The following ABCC9 variants were observed in gnomAD, a reference collection of about 807,000 sequenced individuals.
ABCC9 encodes ATP-binding cassette sub-family C member 9.
ABCC9 carries 95 observed loss-of-function variants against 188.3 expected under a neutral mutation model. The ratio of observed to expected loss-of-function variants is 0.50; its 90% CI spans 0.43 to 0.60. The LOEUF is 0.60. ABCC9 is among the 20% of genes least tolerant of loss of function. The pLI, the probability that ABCC9 is intolerant of heterozygous loss-of-function variation, is 0.00. For synonymous variants in ABCC9, 659 were observed against 652.7 expected, an observed-to-expected ratio of 1.01 and a Z score of -0.15; for missense variants, 1,102 against 1,876.3, an observed-to-expected ratio of 0.59 and a Z score of 7.62.
intron 5 of ABCC9, among the ~76,000 whole-genome samples, chr12:21,922,274 T>C (rs1449444277): frequency 6.6e-6 from 1 of 151,988 alleles, no homozygotes; most frequent in Non-Finnish European, 1.5e-5. Flanking sequence ...GTTACAGAGA[T>C]CTTTCACTTC....
chr12:21,851,652 C>T lies in ABCC9; in HGVS notation c.2769+445G>A, dbSNP rs180797792. 1.6e-4 allele frequency among the ~76,000 whole-genome samples: 24 copies of T among 152,220 alleles called. No homozygotes were observed. In the East Asian group the frequency reaches 4.2e-3, roughly 27 times the overall value. ...CCCAGATATGCCTTACAACTTTGCC[C>T]ACTACTCAGAGCTCTTCCTTCAAGA... On this transcript the variant is annotated intron_variant, in intron 24 of 39. Coordinates refer to ENST00000261200, the MANE Select transcript of ABCC9 (RefSeq NM_020297.4).
At chr12:21,873,775 A>T (rs1016798664) in intron 17 of ABCC9, among the ~76,000 whole-genome samples, 3 of 152,136 alleles carry the variant, frequency 2.0e-5, no homozygotes, top group African/African-American at 7.2e-5. Context: ...TATACAGTCA[A>T]CTGATCTTCA....
intron 6 of ABCC9, among the ~76,000 whole-genome samples, chr12:21,916,163 GAT>G (rs372667530): frequency 6.6e-6 from 1 of 152,212 alleles, no homozygotes; most frequent in African/African-American, 2.4e-5. Flanking sequence ...CCTTTTAAAA[GAT>G]AGTTTTTACT....
At chr12:21,931,948 A>G (rs1461829487) in intron 4 of ABCC9, among the ~76,000 whole-genome samples, 3 of 152,154 alleles carry the variant, frequency 2.0e-5, no homozygotes, top group Non-Finnish European at 2.9e-5. Flanking sequence ...ACATTACAAA[A>G]TAGTTGGTTC....
At chr12:21,937,818 T>C (rs150838810) in intron 2 of ABCC9, among the ~76,000 whole-genome samples, 11 of 152,258 alleles carry the variant, frequency 7.2e-5, no homozygotes, top group African/African-American at 2.6e-4. Context: ...CACCCAAATA[T>C]CTGACTTATA....
In ABCC9 at chr12:21,936,712, G is replaced by A; in HGVS notation, c.-20-18C>T. 1 of 1,568,318 alleles carries A rather than the reference G, an allele frequency of 6.4e-7. No homozygotes were observed. The highest frequency in any genetic ancestry group is 1.1e-5 in the South Asian group (1 of 88,398). On this transcript the variant is annotated intron_variant, in intron 2 of 39. Transcript: ENST00000261200. ...GGTTTACTCTAAAAGGGAGAGAAAT[G>A]AGAAAGAAAAATCCTCTTATTAGTA...
At chr12:21,813,389 A>G (rs1942389973) in intron 35 of ABCC9, among the ~76,000 whole-genome samples, 1 of 152,160 alleles carries the variant, frequency 6.6e-6, no homozygotes, top group Non-Finnish European at 1.5e-5. Context: ...CTTTTACCAG[A>G]TAGATTTAGA....
In ABCC9 at chr12:21,915,515, T is replaced by TA. The variant is rs1178646929; in HGVS notation, c.816+152_816+153insT. The stretch of plus-strand genomic sequence containing the variant: ...GTGTGTGTGTGTATATATATATATA[T>TA]TTTTTTTTTTTTTTTGAGACAGAGT... On this transcript the variant is annotated intron_variant, in intron 7 of 39. Coordinates refer to ENST00000261200, the MANE Select transcript of ABCC9 (RefSeq NM_020297.4). Among the ~76,000 whole-genome samples, 5 of 11,530 alleles carry TA rather than the reference T, an allele frequency of 4.3e-4. 1 individual carries two copies. The highest frequency in any genetic ancestry group is 1.4e-3 in the African/African-American group (5 of 3,658). 7.6% of individuals were successfully genotyped at this position (11,530 alleles called of 152,430 possible). A position where few individuals can be genotyped will look rare whatever the true frequency, so the allele number is the denominator to read the frequency against.
chr12:21,939,334 G>C (rs1949609736), intron 2 of ABCC9, among the ~76,000 whole-genome samples: 1 of 152,052 alleles, frequency 6.6e-6, no homozygotes, highest in African/African-American at 2.4e-5. Flanking sequence ...GAGTCCATGT[G>C]GCACTCTAAC....
In ABCC9 at chr12:21,936,516, G is replaced by C. The variant is rs377317245; in HGVS notation, c.142+17C>G. The C allele has an allele frequency of 4.4e-6, 7 of 1,598,882 alleles. No homozygotes were observed. Among genetic ancestry groups the C allele is most frequent in the Non-Finnish European group, 6.0e-6 (7 of 1,167,480 alleles). On this transcript the variant is annotated intron_variant, in intron 3 of 39. Transcript: ENST00000261200. ...ATAAACATCAAATGGTATAACATAA[G>C]ATACTAGATTACTTACCAATAAACA...
intron 16 of ABCC9, 106 bp from the exon 17 acceptor site, chr12:21,875,832 C>G (rs941888695): frequency 2.3e-6 from 2 of 869,918 alleles, no homozygotes; most frequent in Non-Finnish European, 3.6e-6. Context: ...TGCCTGTAAT[C>G]ACAGCACTTT....
At position 21,844,927 on chromosome 12, in the gene ABCC9, C is replaced by T. The variant is rs1223511822; in HGVS notation, c.3097-12G>A. On this transcript the variant is annotated splice_polypyrimidine_tract_variant and intron_variant, in intron 26 of 39. Coordinates refer to ENST00000261200, the MANE Select transcript of ABCC9 (RefSeq NM_020297.4). ...GCCACATAGTAGGTCTAAAAAGCAA[C>T]CAACACAAAAAGCACATAGGAAATT... The T allele has an allele frequency of 6.2e-7, 1 of 1,613,392 alleles. No homozygotes were observed. Among genetic ancestry groups the T allele is most frequent in the South Asian group, 1.1e-5 (1 of 91,058 alleles).
chr12:21,856,687 A>G (rs1442111681), intron 22 of ABCC9, among the ~76,000 whole-genome samples: 1 of 152,204 alleles, frequency 6.6e-6, no homozygotes, highest in African/African-American at 2.4e-5. Context: ...ACCCAGCACA[A>G]CAGATGGCAT....
chr12:21,881,279 T>G (rs1698349031), intron 16 of ABCC9, among the ~76,000 whole-genome samples: 1 of 152,158 alleles, frequency 6.6e-6, no homozygotes, highest in Non-Finnish European at 1.5e-5. Flanking sequence ...ATAAAAATAT[T>G]TCAAAAATAT....
chr12:21,812,842 G>C (rs764120503), intron 35 of ABCC9, among the ~76,000 whole-genome samples: 5 of 151,936 alleles, frequency 3.3e-5, no homozygotes, highest in Admixed American at 6.6e-5. Flanking sequence ...AGAACTTAAA[G>C]TATAATAAAA....
chr12:21,858,380 C>T (rs1565747177), intron 22 of ABCC9, among the ~76,000 whole-genome samples: 1 of 151,560 alleles, frequency 6.6e-6, no homozygotes, highest in Non-Finnish European at 1.5e-5. Context: ...TCGAGACCAG[C>T]CTGACCAATA....
intron 36 of ABCC9, 27 bp from the exon 37 acceptor site, chr12:21,809,982 C>T: frequency 7.5e-7 from 1 of 1,334,000 alleles, no homozygotes. Flanking sequence ...GTTAATTAGT[C>T]AATAAGTGAA....
At chr12:21,926,204 C>G (rs1949039557) in intron 4 of ABCC9, 141 bp from the exon 5 acceptor site, 2 of 1,173,598 alleles carry the variant, frequency 1.7e-6, no homozygotes, top group East Asian at 5.1e-5. Context: ...CAAGATAATA[C>G]ATAAGGGAAG....
At position 21,800,948 on chromosome 12, in the gene ABCC9, T is replaced by A; in HGVS notation, c.*96A>T. ...CTTTTTGTGCAAAAATCTGTAAAAGTTTTAAGATGCCACTTTACAGAGGTC... is the reference window on the plus strand; with the variant it reads ...CTTTTTGTGCAAAAATCTGTAAAAGATTTAAGATGCCACTTTACAGAGGTC... On this transcript the variant is annotated 3_prime_UTR_variant, in exon 40 of 40. Transcript: ENST00000261200. The A allele has an allele frequency of 6.8e-7, 1 of 1,469,094 alleles. No individual in the cohort carries two copies. The highest frequency in any genetic ancestry group is 9.3e-7 in the Non-Finnish European group (1 of 1,074,394). The allele number at this position is 1,469,094 out of a possible 1,614,324, so 91.0% of individuals were successfully genotyped here.
Sources: gnomAD v4.1 joint callset for allele counts (sites outside exome capture counted in the v4.1 genomes callset) on GRCh38, gnomAD v4.1.1 for gene constraint, MANE v1.5 for transcripts, NCBI Gene and HGNC (gene_info 2026-07-23, HGNC 2026-07-21) for gene names.